PAN3: variants seen among roughly 807,000 people sequenced by gnomAD.
PAN3 encodes PAN2-PAN3 deadenylation complex subunit PAN3.
PAN3 carries 19 observed loss-of-function variants against 96.2 expected under a neutral mutation model. That is an observed-to-expected ratio of 0.20 (90% CI 0.14 to 0.29). PAN3 has a LOEUF of 0.29. Ranked by LOEUF, PAN3 falls within the 10% of genes least tolerant of loss-of-function variation. The pLI is 1.00. For synonymous variants in PAN3, 433 were observed against 406.6 expected, an observed-to-expected ratio of 1.06 and a Z score of -0.78; for missense variants, 882 against 1,108.1, an observed-to-expected ratio of 0.80 and a Z score of 2.90.
chr13:28,258,672 C>CTCCT (rs912867252), intron 7 of PAN3, among the ~76,000 whole-genome samples: 1 of 152,088 alleles, frequency 6.6e-6, no homozygotes, highest in Non-Finnish European at 1.5e-5. Flanking sequence ...CCTTTAGTTT[C>CTCCT]TCCTTCCTTC....
chr13:28,187,138 G>A (rs898147101), intron 4 of PAN3, among the ~76,000 whole-genome samples: 1 of 151,868 alleles, frequency 6.6e-6, no homozygotes, highest in South Asian at 2.1e-4. Flanking sequence ...ACCAGCCTGG[G>A]CAACATGGCG....
At chr13:28,197,999 A>G (rs1443016814) in intron 5 of PAN3, among the ~76,000 whole-genome samples, 2 of 151,692 alleles carry the variant, frequency 1.3e-5, no homozygotes, top group East Asian at 2.0e-4. Context: ...AAGGCCGGGC[A>G]TGGTGGTGCA....
chr13:28,192,615 A>G (rs189127199), intron 4 of PAN3, among the ~76,000 whole-genome samples: 13 of 152,268 alleles, frequency 8.5e-5, no homozygotes, highest in Admixed American at 5.2e-4. Context: ...CTCTATTCAT[A>G]CATGATTACT....
Position 28,293,455 on chromosome 13 carries a change from C to T in PAN3, c.*933C>T, listed in dbSNP as rs576269955. 6.1e-5 allele frequency: 7 copies of T among 114,544 alleles called. No individual in the cohort carries two copies. In the East Asian group the frequency reaches 1.7e-3, roughly 28 times the overall value. 7.1% of individuals were successfully genotyped at this position (114,544 alleles called of 1,614,324 possible). A position where few individuals can be genotyped will look rare whatever the true frequency, so the allele number is the denominator to read the frequency against. ...GTTTATGAAGTTTTGCTCTTTGAAC[C>T]ACAGCTTTATTATGGTCCTTTACAC... On this transcript the variant is annotated 3_prime_UTR_variant, in exon 19 of 19. Coordinates refer to ENST00000380958, the MANE Select transcript of PAN3 (RefSeq NM_175854.8).
intron 5 of PAN3, chr13:28,214,678 G>T: frequency 2.2e-6 from 1 of 451,962 alleles, no homozygotes. Context: ...GCTCCTTCAA[G>T]TATTCCTGGG....
intron 1 of PAN3, among the ~76,000 whole-genome samples, chr13:28,173,182 A>G (rs1190741027): frequency 6.6e-6 from 1 of 152,226 alleles, no homozygotes; most frequent in Non-Finnish European, 1.5e-5. Flanking sequence ...AGAGATGAGC[A>G]CATAGCTCAA....
intron 5 of PAN3, among the ~76,000 whole-genome samples, chr13:28,203,116 C>T (rs1243128923): frequency 4.0e-5 from 6 of 151,734 alleles, no homozygotes; most frequent in Non-Finnish European, 5.9e-5. Context: ...GTGTGTGCCA[C>T]CATGCCTGGC....
At chr13:28,279,432 C>T (rs1458882471) in intron 15 of PAN3, among the ~76,000 whole-genome samples, 1 of 152,100 alleles carries the variant, frequency 6.6e-6, no homozygotes, top group African/African-American at 2.4e-5. Context: ...CACACCTACC[C>T]CCTTTTAGTC....
At chr13:28,144,553 C>T (rs1473632683) in intron 1 of PAN3, among the ~76,000 whole-genome samples, 2 of 151,820 alleles carry the variant, frequency 1.3e-5, no homozygotes, top group African/African-American at 4.8e-5. Context: ...CGAGGGATAA[C>T]GTAACTCCAG....
intron 5 of PAN3, among the ~76,000 whole-genome samples, chr13:28,219,813 CA>C (rs1263990936): frequency 6.6e-6 from 1 of 152,096 alleles, no homozygotes; most frequent in East Asian, 1.9e-4. Context: ...GAAGTACCTA[CA>C]AAAAAGAAAG....
In PAN3 at chr13:28,163,652, T is replaced by C. The variant is rs74334200; in HGVS notation, c.431-10620T>C. On this transcript the variant is annotated intron_variant, in intron 1 of 18. Transcript: ENST00000380958. ...TTTTTTCTTTCTCATCATACCTGAG[T>C]CTTGAGTATGTATATTAGAAATTGA... Among the ~76,000 whole-genome samples, 1,476 of 152,214 alleles carry C rather than the reference T, an allele frequency of 9.7e-3. 17 individuals are homozygous for C. Among genetic ancestry groups the C allele is most frequent in the African/African-American group, 0.034 (1,410 of 41,526 alleles).
intron 4 of PAN3, 89 bp from the exon 5 acceptor site, chr13:28,197,096 C>A: frequency 1.4e-6 from 2 of 1,405,174 alleles, no homozygotes; most frequent in Non-Finnish European, 9.4e-7. Context: ...TCCCACCGTT[C>A]CCAGTATCCT....
At position 28,138,719 on chromosome 13, in the gene PAN3, T is replaced by A; in HGVS notation, c.62T>A (p.Leu21Gln). The A allele has an allele frequency of 2.5e-6, 3 of 1,192,486 alleles. No homozygotes were observed. The highest frequency in any genetic ancestry group is 3.2e-6 in the Non-Finnish European group (3 of 934,204). 73.9% of individuals were successfully genotyped at this position (1,192,486 alleles called of 1,614,324 possible). Residue 21 changes from leucine (L) to glutamine (Q), a missense_variant, in exon 1 of 19, where the codon CTG becomes CAG. Leu to Gln is a moderately radical substitution (Grantham distance 113). This residue lies in a region of PAN3 where 442 missense variants were observed against 422.8 expected (regional missense o/e 1.05). Transcript: ENST00000380958. ...GCCGCCTCCCCTTCCTCCTCCTCGC[T>A]GGCGGCGGCGGTGGCGGTGGTGGCC... ...SAAASPSSSS[L>Q]AAAVAVVAPP...
intron 5 of PAN3, among the ~76,000 whole-genome samples, chr13:28,212,125 A>T (rs532877331): frequency 3.9e-5 from 6 of 152,370 alleles, no homozygotes; most frequent in African/African-American, 1.4e-4. Context: ...TGGAAAAAGC[A>T]GTTGCCAAGA....
chr13:28,203,666 G>A (rs1448455381), intron 5 of PAN3, among the ~76,000 whole-genome samples: 3 of 152,092 alleles, frequency 2.0e-5, no homozygotes, highest in Admixed American at 1.3e-4. Flanking sequence ...ATTTTGAAAT[G>A]TTAGAGATCT....
At chr13:28,258,951 T>A (rs940546251) in intron 7 of PAN3, among the ~76,000 whole-genome samples, 1 of 152,198 alleles carries the variant, frequency 6.6e-6, no homozygotes, top group African/African-American at 2.4e-5. Flanking sequence ...ACTTCTCATT[T>A]GTTGTATTGT....
At chr13:28,275,645 T>C (rs943847684) in intron 14 of PAN3, among the ~76,000 whole-genome samples, 2 of 152,214 alleles carry the variant, frequency 1.3e-5, no homozygotes, top group Non-Finnish European at 2.9e-5. Flanking sequence ...TGGAATGTTT[T>C]ACTTGATCTA....
At chr13:28,236,048 C>T (rs142479049) in intron 6 of PAN3, among the ~76,000 whole-genome samples, 5 of 152,042 alleles carry the variant, frequency 3.3e-5, no homozygotes, top group East Asian at 1.9e-4. Flanking sequence ...TAGTTTTATA[C>T]GTATTTATTT....
chr13:28,158,830 A>G (rs1208339283), intron 1 of PAN3, among the ~76,000 whole-genome samples: 1 of 151,862 alleles, frequency 6.6e-6, no homozygotes, highest in Non-Finnish European at 1.5e-5. Context: ...GTGAGTGGAT[A>G]TCGCGCCACT....
Sources: gnomAD v4.1 joint callset for allele counts (sites outside exome capture counted in the v4.1 genomes callset) on GRCh38, gnomAD v4.1.1 for gene constraint, gnomAD v4.1.1 regional missense constraint, MANE v1.5 for transcripts, NCBI Gene and HGNC (gene_info 2026-07-23, HGNC 2026-07-21) for gene names.